The following PTPRO variants were observed in gnomAD, a reference collection of about 807,000 sequenced individuals.
PTPRO encodes protein tyrosine phosphatase receptor type O, also known as receptor-type tyrosine-protein phosphatase O.
PTPRO carries 62 observed loss-of-function variants against 145.2 expected under a neutral mutation model. The observed-to-expected ratio is 0.43, with a 90% CI of 0.35 to 0.53. The LOEUF (loss-of-function observed/expected upper bound fraction) is 0.53. Ranked by LOEUF, PTPRO falls within the 20% of genes least tolerant of loss-of-function variation. PTPRO has a pLI of 0.01. For missense variants in PTPRO, 1,345 were observed against 1,482.7 expected, an observed-to-expected ratio of 0.91 and a Z score of 1.53; for synonymous variants, 565 against 514.7, an observed-to-expected ratio of 1.10 and a Z score of -1.32.
intron 1 of PTPRO, among the ~76,000 whole-genome samples, chr12:15,342,926 T>C (rs1379382854): frequency 1.3e-5 from 2 of 152,200 alleles, no homozygotes; most frequent in Admixed American, 6.5e-5. Context: ...TATTCAGGTA[T>C]GTGTACCAGA....
chr12:15,327,833 C>G (rs1287079165), intron 1 of PTPRO, among the ~76,000 whole-genome samples: 1 of 151,942 alleles, frequency 6.6e-6, no homozygotes, highest in Non-Finnish European at 1.5e-5. Flanking sequence ...TTTCTATCAG[C>G]CAATAAGAGG....
intron 2 of PTPRO, among the ~76,000 whole-genome samples, chr12:15,494,373 A>G (rs1197140078): frequency 6.6e-6 from 1 of 152,202 alleles, no homozygotes; most frequent in Non-Finnish European, 1.5e-5. Flanking sequence ...TTAGATTAGG[A>G]TTTAACCTTG....
At chr12:15,488,141 GAGA>G (rs752336769) in intron 2 of PTPRO, among the ~76,000 whole-genome samples, 80 of 152,322 alleles carry the variant, frequency 5.3e-4, no homozygotes, top group Non-Finnish European at 9.7e-4. Flanking sequence ...TGTTGAGGTG[GAGA>G]AGAAGTGATG....
intron 16 of PTPRO, among the ~76,000 whole-genome samples, chr12:15,558,670 C>T (rs999198686): frequency 2.6e-5 from 4 of 152,168 alleles, no homozygotes; most frequent in African/African-American, 7.2e-5. Flanking sequence ...TCAGTTATTT[C>T]TTTCTGTTTA....
At chr12:15,461,264 C>T (rs1442166640) in intron 1 of PTPRO, among the ~76,000 whole-genome samples, 1 of 152,096 alleles carries the variant, frequency 6.6e-6, no homozygotes, top group Non-Finnish European at 1.5e-5. Flanking sequence ...TTCAAATCTA[C>T]CTGTAAGCTG....
intron 10 of PTPRO, among the ~76,000 whole-genome samples, chr12:15,520,724 T>C (rs1427660252): frequency 6.6e-6 from 1 of 152,224 alleles, no homozygotes; most frequent in Non-Finnish European, 1.5e-5. Flanking sequence ...AGGCTGACTG[T>C]AGTAGGGTCC....
chr12:15,479,551 G>C (rs895834200), intron 1 of PTPRO, among the ~76,000 whole-genome samples: 13 of 152,190 alleles, frequency 8.5e-5, no homozygotes, highest in African/African-American at 2.9e-4. Flanking sequence ...AGAAGGGAGG[G>C]GAGAGGAGGT....
chr12:15,330,283 A>C (rs1285849356), intron 1 of PTPRO, among the ~76,000 whole-genome samples: 1 of 152,226 alleles, frequency 6.6e-6, no homozygotes, highest in African/African-American at 2.4e-5. Flanking sequence ...AAAGAGTGGC[A>C]ATGTTGAAAA....
chr12:15,415,474 T>A (rs890547641), intron 1 of PTPRO, among the ~76,000 whole-genome samples: 1 of 151,542 alleles, frequency 6.6e-6, no homozygotes, highest in Non-Finnish European at 1.5e-5. Context: ...AAGCTCCGCC[T>A]CCCAGGTTCA....
chr12:15,440,961 A>G (rs1207347846), intron 1 of PTPRO, among the ~76,000 whole-genome samples: 3 of 152,204 alleles, frequency 2.0e-5, no homozygotes, highest in Admixed American at 2.0e-4. Context: ...TCATGAAGGC[A>G]GCAAACTAAC....
intron 1 of PTPRO, among the ~76,000 whole-genome samples, chr12:15,440,913 T>A (rs1940747395): frequency 6.6e-6 from 1 of 152,174 alleles, no homozygotes; most frequent in Non-Finnish European, 1.5e-5. Context: ...ACAATAATGG[T>A]AGGGGTCTTC....
intron 1 of PTPRO, among the ~76,000 whole-genome samples, chr12:15,377,703 G>A (rs1237902529): frequency 6.6e-6 from 1 of 151,900 alleles, no homozygotes; most frequent in Non-Finnish European, 1.5e-5. Context: ...TTTTTCTCAG[G>A]TAGACACAGA....
chr12:15,326,546 A>G lies in PTPRO; in HGVS notation c.75+3745A>G, dbSNP rs552017194. ...GCACATTTATGTGGATAACTGATTA[A>G]AAACAATATGAGTTGTACTTTATTT... On this transcript the variant is annotated intron_variant, in intron 1 of 26. Transcript: ENST00000281171. Among the ~76,000 whole-genome samples, 5 of 152,356 alleles carry G rather than the reference A, an allele frequency of 3.3e-5. No individual in the cohort carries two copies. The South Asian group carries it at 1.0e-3, about 32-fold the overall frequency.
intron 1 of PTPRO, among the ~76,000 whole-genome samples, chr12:15,442,486 T>G (rs1397275393): frequency 6.6e-6 from 1 of 152,134 alleles, no homozygotes; most frequent in East Asian, 1.9e-4. Context: ...GTACTGGAAT[T>G]GGTAGCCAGA....
At chr12:15,389,611 A>G (rs530309864) in intron 1 of PTPRO, among the ~76,000 whole-genome samples, 1 of 152,144 alleles carries the variant, frequency 6.6e-6, no homozygotes, top group African/African-American at 2.4e-5. Flanking sequence ...ATTTAATGTG[A>G]TAAGCTCATT....
intron 7 of PTPRO, among the ~76,000 whole-genome samples, chr12:15,509,982 C>T (rs1250888689): frequency 2.6e-5 from 4 of 152,088 alleles, no homozygotes; most frequent in African/African-American, 4.8e-5. Flanking sequence ...TATGTTTTTA[C>T]AAGGTCAAAT....
At chr12:15,395,902 A>C (rs532430719) in intron 1 of PTPRO, among the ~76,000 whole-genome samples, 1 of 152,128 alleles carries the variant, frequency 6.6e-6, no homozygotes, top group African/African-American at 2.4e-5. Context: ...AAGATTGATT[A>C]AGCAATGAAC....
At chr12:15,558,309 C>A (rs1290585000) in intron 16 of PTPRO, among the ~76,000 whole-genome samples, 5 of 152,146 alleles carry the variant, frequency 3.3e-5, no homozygotes, top group Non-Finnish European at 7.3e-5. Flanking sequence ...AGTTGTACAG[C>A]CCAGTATTCA....
chr12:15,590,249 C>G (rs1944518390), intron 25 of PTPRO, among the ~76,000 whole-genome samples: 1 of 152,164 alleles, frequency 6.6e-6, no homozygotes, highest in African/African-American at 2.4e-5. Flanking sequence ...TAGTCTGGAG[C>G]GACAACCCAA....
Sources: gnomAD v4.1 joint callset for allele counts (sites outside exome capture counted in the v4.1 genomes callset) on GRCh38, gnomAD v4.1.1 for gene constraint, MANE v1.5 for transcripts, NCBI Gene and HGNC (gene_info 2026-07-23, HGNC 2026-07-21) for gene names.